MED15: variants seen among roughly 807,000 people sequenced by gnomAD.
MED15 encodes the protein mediator complex subunit 15.
In MED15, 41 loss-of-function variants were observed where a neutral mutation model predicts 118.7. That is an observed-to-expected ratio of 0.35 (90% CI 0.27 to 0.45). The LOEUF (loss-of-function observed/expected upper bound fraction) is 0.45, where lower values mean the gene tolerates loss of function less well. Ranked by LOEUF, MED15 falls within the 20% of genes least tolerant of loss-of-function variation. The pLI, the probability that MED15 is intolerant of heterozygous loss-of-function variation, is 1.00. For missense variants in MED15, 740 were observed against 1,025.5 expected, an observed-to-expected ratio of 0.72 and a Z score of 3.80; for synonymous variants, 436 against 413.9, an observed-to-expected ratio of 1.05 and a Z score of -0.65.
chr22:20,521,400 G>GTTT, intron 1 of MED15, among the ~76,000 whole-genome samples: 1 of 144,350 alleles, frequency 6.9e-6, no homozygotes, highest in Non-Finnish European at 1.5e-5. Flanking sequence ...CCCAGCCTGT[G>GTTT]TTTTTGTTTT....
Position 20,539,915 on chromosome 22 carries a change from G to C in MED15, c.156+2711G>C, listed in dbSNP as rs192093887. ...AGATCCTCTGTCCATTTTTAAATTGGGTTGTTAGTCTTTTTATTGTTGGGT... is the reference window on the plus strand; with the variant it reads ...AGATCCTCTGTCCATTTTTAAATTGCGTTGTTAGTCTTTTTATTGTTGGGT... On this transcript the variant is annotated intron_variant, in intron 2 of 17. Coordinates refer to ENST00000263205, the MANE Select transcript of MED15 (RefSeq NM_001003891.3). 2.5e-3 allele frequency among the ~76,000 whole-genome samples: 377 copies of C among 152,050 alleles called. 1 individual carries two copies. The highest frequency in any genetic ancestry group is 4.4e-3 in the Admixed American group (67 of 15,260).
chr22:20,564,814 C>A, intron 6 of MED15, 126 bp downstream of exon 6: 1 of 1,470,490 alleles, frequency 6.8e-7, no homozygotes, highest in East Asian at 2.3e-5. Context: ...GTGTGCCTGC[C>A]CTTTTCCATG....
intron 1 of MED15, among the ~76,000 whole-genome samples, chr22:20,509,108 C>T (rs963174611): frequency 5.9e-5 from 9 of 152,062 alleles, no homozygotes; most frequent in East Asian, 3.9e-4. Context: ...TGAGCATTTA[C>T]TGCGTGGAGG....
At chr22:20,548,637 A>T (rs2055649971) in intron 2 of MED15, among the ~76,000 whole-genome samples, 1 of 152,190 alleles carries the variant, frequency 6.6e-6, no homozygotes, top group Admixed American at 6.5e-5. Flanking sequence ...AGATTTAAGC[A>T]AATATGTGTG....
Position 20,553,671 on chromosome 22 carries a change from A to G in MED15, c.238+497A>G, listed in dbSNP as rs942698773. Among the ~76,000 whole-genome samples the G allele has an allele frequency of 2.6e-5, 4 of 152,230 alleles. No individual in the cohort carries two copies. The East Asian group carries it at 5.8e-4, about 22-fold the overall frequency. ...GCAGATCAGTTGAGGTCAGGAGTTC[A>G]AGACCAGCCTGGCCAACATGGTAAA... On this transcript the variant is annotated intron_variant, in intron 4 of 17. Transcript: ENST00000263205.
In MED15 at chr22:20,564,490, G is replaced by A. The variant is rs925147451; in HGVS notation, c.492G>A (p.Gln164=). 4 of 1,608,506 alleles carry A rather than the reference G, an allele frequency of 2.5e-6. No individual in the cohort carries two copies. The African/African-American group carries it at 5.3e-5, about 22-fold the overall frequency. ...QLQQVALQQQ[Q]QQQQFQQQQQ... ...AGCAGGTGGCGCTGCAGCAGCAGCA[G>A]CAACAGCAGCAGTTCCAGCAGCAGC... The change falls in exon 6 of 18, where the codon CAG becomes CAA. Residue 164 remains glutamine, a synonymous_variant. Coordinates refer to ENST00000263205, the MANE Select transcript of MED15 (RefSeq NM_001003891.3).
chr22:20,552,600 G>T (rs768186359), intron 3 of MED15: 1 of 427,686 alleles, frequency 2.3e-6, no homozygotes, highest in South Asian at 1.7e-5. Flanking sequence ...GGAAGCAGCC[G>T]AGCAGGAGGC....
intron 1 of MED15, chr22:20,523,908 G>C (rs2054545241): frequency 1.1e-6 from 1 of 935,966 alleles, no homozygotes; most frequent in Non-Finnish European, 1.3e-6. Context: ...CTTGAGGATA[G>C]AGGCAAGAAA....
At chr22:20,529,289 C>G (rs1001514486) in intron 1 of MED15, among the ~76,000 whole-genome samples, 6 of 152,110 alleles carry the variant, frequency 3.9e-5, no homozygotes, top group Admixed American at 1.3e-4. Context: ...ACTCTGTTAC[C>G]CAGGCTGGAG....
chr22:20,509,186 G>A (rs1447855078), intron 1 of MED15, among the ~76,000 whole-genome samples: 3 of 152,058 alleles, frequency 2.0e-5, no homozygotes, highest in Admixed American at 1.3e-4. Flanking sequence ...ATGGAATGAG[G>A]GTGAGCAGGT....
chr22:20,539,622 C>T (rs946514638), intron 2 of MED15, among the ~76,000 whole-genome samples: 2 of 152,096 alleles, frequency 1.3e-5, no homozygotes, highest in Non-Finnish European at 2.9e-5. Flanking sequence ...TGGGTCATAC[C>T]CTACCTCTGT....
At chr22:20,565,240 G>A (rs1432258048) in intron 6 of MED15, among the ~76,000 whole-genome samples, 2 of 152,218 alleles carry the variant, frequency 1.3e-5, no homozygotes, top group African/African-American at 2.4e-5. Flanking sequence ...GGCATCTGGC[G>A]GTGGGCCTCC....
rs61109389 is a variant in MED15 at position 20,570,746 on chromosome 22, C to CTTTTTTTTTTTTTTTTTTT, written c.1152+2127_1152+2145dup. Among the ~76,000 whole-genome samples, 13 of 62,096 alleles carry CTTTTTTTTTTTTTTTTTTT rather than the reference C, an allele frequency of 2.1e-4. 1 individual carries two copies. The highest frequency in any genetic ancestry group is 3.7e-4 in the African/African-American group (5 of 13,686). 40.7% of individuals were successfully genotyped at this position (62,096 alleles called of 152,430 possible). A position where few individuals can be genotyped will look rare whatever the true frequency, so the allele number is the denominator to read the frequency against. ...TTTTCTTTTCTTTCTTTCTTTCTTT[C>CTTTTTTTTTTTTTTTTTTT]TTTTTTTTTTTTTTTTTTTTTTTTT... On this transcript the variant is annotated intron_variant, in intron 8 of 17. Transcript: ENST00000263205.
chr22:20,563,035 C>CAA (rs201833043), intron 5 of MED15, among the ~76,000 whole-genome samples: 8 of 141,620 alleles, frequency 5.6e-5, no homozygotes, highest in African/African-American at 1.3e-4. Flanking sequence ...GACCCCACCT[C>CAA]AAAAAAAAAA....
chr22:20,574,137 G>A (rs1035822824), intron 8 of MED15: 1 of 152,274 alleles, frequency 6.6e-6, no homozygotes, highest in African/African-American at 2.4e-5. Flanking sequence ...ACCTCCTGGA[G>A]CTTGGGACCC....
chr22:20,556,599 C>T (rs1042960007), intron 5 of MED15, among the ~76,000 whole-genome samples: 4 of 152,080 alleles, frequency 2.6e-5, no homozygotes, highest in Admixed American at 6.6e-5. Flanking sequence ...CACGCCCAGC[C>T]GACTTCATCA....
chr22:20,532,879 G>C (rs57997330), intron 1 of MED15, among the ~76,000 whole-genome samples: 2 of 152,182 alleles, frequency 1.3e-5, no homozygotes, highest in Non-Finnish European at 2.9e-5. Context: ...TTGCTTGTGT[G>C]GGGGAAGAGC....
At chr22:20,513,451 G>A (rs907249126) in intron 1 of MED15, among the ~76,000 whole-genome samples, 11 of 151,846 alleles carry the variant, frequency 7.2e-5, no homozygotes. Flanking sequence ...GCTAATTTTT[G>A]TATTTTTAGT....
intron 8 of MED15, among the ~76,000 whole-genome samples, chr22:20,570,746 CTTTTTTTTTTTTTTTTTTT>C (rs61109389): frequency 3.2e-5 from 2 of 62,104 alleles, no homozygotes; most frequent in African/African-American, 1.5e-4. Flanking sequence ...TTCTTTCTTT[CTTTTTTTTTTTTTTTTTTT>C]TTTTTTTTTT....
Sources: allele counts gnomAD v4.1 joint callset (sites outside exome capture counted in the v4.1 genomes callset), GRCh38; gene constraint gnomAD v4.1.1; transcripts MANE v1.5; gene names NCBI Gene and HGNC (gene_info 2026-07-23, HGNC 2026-07-21).